Variants in TOX3 observed in about 807,000 individuals in gnomAD.
The protein encoded by TOX3 is CAG trinucleotide repeat-containing gene F9 protein.
A neutral mutation model predicts 64.3 loss-of-function variants in TOX3; 22 were observed. The ratio of observed to expected loss-of-function variants is 0.34; its 90% confidence interval spans 0.24 to 0.49. The LOEUF is 0.49. Ranked by LOEUF, TOX3 falls within the 20% of genes least tolerant of loss-of-function variation. The pLI is 0.99. For synonymous variants in TOX3, 291 were observed against 273.6 expected (o/e 1.06, Z -0.63); for missense variants, 661 against 714.4 (o/e 0.93, Z 0.85).
intron 1 of TOX3, among the ~76,000 whole-genome samples, chr16:52,510,144 T>TA (rs35701412): frequency 0.22 from 29,856 of 138,520 alleles, 3,153 homozygotes; most frequent in Middle Eastern, 0.3. Context: ...GCCTTGCTGT[T>TA]AAAAAAAAAA....
At chr16:52,497,241 T>C (rs1043188454) in intron 1 of TOX3, among the ~76,000 whole-genome samples, 1 of 152,204 alleles carries the variant, frequency 6.6e-6, no homozygotes, top group African/African-American at 2.4e-5. Context: ...CTAATAGTTA[T>C]TGTTTGTACA....
chr16:52,462,273 C>T (rs1194939135), intron 3 of TOX3, among the ~76,000 whole-genome samples: 2 of 152,046 alleles, frequency 1.3e-5, no homozygotes, highest in South Asian at 4.1e-4. Context: ...AAATTGAGTC[C>T]TCTTTCCCAA....
intron 3 of TOX3, among the ~76,000 whole-genome samples, chr16:52,453,315 C>T (rs906358160): frequency 6.6e-6 from 1 of 151,806 alleles, no homozygotes; most frequent in African/African-American, 2.4e-5. Context: ...TCCTGAGTAG[C>T]TGAAATTACA....
chr16:52,530,347 T>C (rs574352229), intron 1 of TOX3, among the ~76,000 whole-genome samples: 6 of 152,160 alleles, frequency 3.9e-5, no homozygotes, highest in Admixed American at 3.3e-4. Flanking sequence ...CCCACTTTTT[T>C]TTTTTTTGAG....
intron 2 of TOX3, among the ~76,000 whole-genome samples, chr16:52,465,002 A>ATTTTTTTTTTTTTT (rs1340719697): frequency 1.6e-5 from 1 of 60,974 alleles, no homozygotes; most frequent in African/African-American, 7.5e-5. Flanking sequence ...GTCTTAATGC[A>ATTTTTTTTTTTTTT]TTCTTTTTTT....
rs1962705520 is a variant in TOX3, at chr16:52,525,276, T to C, written c.87+21361A>G. ...TAAGTTTGGGGAGGGGGGTTCTCTA[T>C]CTTTTCCTCTGTCCTTTTTTCCTGA... On this transcript the variant is annotated intron_variant, in intron 1 of 6. Transcript: ENST00000219746. Among the ~76,000 whole-genome samples the C allele has an allele frequency of 2.6e-5, 4 of 152,296 alleles. No homozygotes were observed. The South Asian group carries it at 6.2e-4, about 24-fold the overall frequency.
At chr16:52,444,212 T>A (rs184629754) in intron 6 of TOX3, 64 bp downstream of exon 6, 1 of 1,288,098 alleles carries the variant, frequency 7.8e-7, no homozygotes, top group African/African-American at 1.5e-5. Flanking sequence ...ATGTTTTCAA[T>A]GCTTGAGGGC....
intron 1 of TOX3, among the ~76,000 whole-genome samples, chr16:52,488,902 C>A (rs1325109552): frequency 6.6e-6 from 1 of 152,152 alleles, no homozygotes; most frequent in Non-Finnish European, 1.5e-5. Context: ...TCCAAGCACT[C>A]AGCACCTGTA....
chr16:52,450,795 A>T (rs1960317754), intron 3 of TOX3, among the ~76,000 whole-genome samples: 1 of 14,908 alleles, frequency 6.7e-5, no homozygotes, highest in African/African-American at 3.0e-4. Flanking sequence ...TGGATGTGGA[A>T]GGAAGGAAGG....
intron 1 of TOX3, among the ~76,000 whole-genome samples, chr16:52,525,981 T>G (rs1465451909): frequency 6.6e-6 from 1 of 152,210 alleles, no homozygotes; most frequent in Non-Finnish European, 1.5e-5. Context: ...GTTCAGGAAC[T>G]GCCCATGTTG....
chr16:52,471,791 C>G (rs1167812329), intron 1 of TOX3, among the ~76,000 whole-genome samples: 1 of 152,176 alleles, frequency 6.6e-6, no homozygotes, highest in Non-Finnish European at 1.5e-5. Context: ...CAAACTGGGA[C>G]TAATCATAAT....
intron 6 of TOX3, among the ~76,000 whole-genome samples, chr16:52,441,553 T>C (rs571037207): frequency 2.6e-5 from 4 of 152,326 alleles, no homozygotes; most frequent in Admixed American, 6.5e-5. Context: ...ATTGGAATGA[T>C]TCATTCCAGA....
At chr16:52,524,535 C>T (rs758202195) in intron 1 of TOX3, among the ~76,000 whole-genome samples, 1 of 152,176 alleles carries the variant, frequency 6.6e-6, no homozygotes, top group Non-Finnish European at 1.5e-5. Flanking sequence ...AAGATTTCAG[C>T]ATTCACTGAA....
chr16:52,481,982 T>C (rs957389956), intron 1 of TOX3, among the ~76,000 whole-genome samples: 1 of 152,218 alleles, frequency 6.6e-6, no homozygotes, highest in East Asian at 1.9e-4. Flanking sequence ...CAACCAACTA[T>C]TCCAAAATCT....
chr16:52,483,564 GTTTTT>G (rs11304815), intron 1 of TOX3, among the ~76,000 whole-genome samples: 1 of 99,448 alleles, frequency 1.0e-5, no homozygotes, highest in South Asian at 4.1e-4. Context: ...GGGCAGTTTG[GTTTTT>G]TTTTTTTTTT....
At position 52,438,010 on chromosome 16, in the gene TOX3, T is replaced by C. The variant is rs1461321458; in HGVS notation, c.*1215A>G. The C allele has an allele frequency of 2.0e-5, 3 of 152,640 alleles. No individual in the cohort carries two copies. Among genetic ancestry groups the C allele is most frequent in the Non-Finnish European group, 4.4e-5 (3 of 68,028 alleles). The allele number at this position is 152,640 out of a possible 1,614,324, so 9.5% of individuals were successfully genotyped here. A position where few individuals can be genotyped will look rare whatever the true frequency, so the allele number is the denominator to read the frequency against. ...TGTATTCAAGGAACCAAAAATGAAA[T>C]CTGACATATCATTTTATTTGAAAAG... On this transcript the variant is annotated 3_prime_UTR_variant, in exon 7 of 7. Transcript: ENST00000219746.
chr16:52,522,842 G>A (rs79814467), intron 1 of TOX3, among the ~76,000 whole-genome samples: 6 of 151,938 alleles, frequency 3.9e-5, no homozygotes, highest in African/African-American at 7.2e-5. Context: ...TGTTTTTTGC[G>A]AATCCCACTT....
intron 1 of TOX3, among the ~76,000 whole-genome samples, chr16:52,541,779 C>G (rs1410636485): frequency 6.6e-6 from 1 of 152,196 alleles, no homozygotes; most frequent in Non-Finnish European, 1.5e-5. Context: ...AGCACAGGGT[C>G]TTCATCAGTA....
At chr16:52,517,914 G>A (rs967156579) in intron 1 of TOX3, among the ~76,000 whole-genome samples, 40 of 152,186 alleles carry the variant, frequency 2.6e-4, no homozygotes, top group African/African-American at 9.2e-4. Flanking sequence ...TTTACCAACA[G>A]GATAATATAA....
Sources: gnomAD v4.1 joint callset for allele counts (sites outside exome capture counted in the v4.1 genomes callset) on GRCh38, gnomAD v4.1.1 for gene constraint, MANE v1.5 for transcripts, NCBI Gene and HGNC (gene_info 2026-07-23, HGNC 2026-07-21) for gene names.